Variants in PDZD8 observed in about 807,000 individuals in gnomAD.
PDZD8 encodes PDZ domain containing 8.
Under a neutral mutation model 85.8 loss-of-function variants are expected in PDZD8, and 14 were observed. That is an observed-to-expected ratio of 0.16 (90% confidence interval 0.11 to 0.26). The LOEUF (loss-of-function observed/expected upper bound fraction) is 0.26, where lower values mean the gene tolerates loss of function less well. PDZD8 is among the 10% of genes least tolerant of loss of function. The pLI is 1.00. For synonymous variants in PDZD8, 592 were observed against 568.6 expected, an observed-to-expected ratio of 1.04 and a Z score of -0.59; for missense variants, 1,197 against 1,424.3, an observed-to-expected ratio of 0.84 and a Z score of 2.57.
At chr10:117,287,831 T>C (rs1400407341) in intron 4 of PDZD8, among the ~76,000 whole-genome samples, 2 of 152,236 alleles carry the variant, frequency 1.3e-5, no homozygotes, top group Non-Finnish European at 1.5e-5. Context: ...TTCAGAGCTT[T>C]CTAATATGGT....
Position 117,374,926 on chromosome 10 carries a change from G to C in PDZD8, c.302C>G (p.Thr101Ser), listed in dbSNP as rs914120802. ...TRETCYFLNA[T>S]ILFLFRELRD... ...CAACTCCCGGAACAGGAATAGGATG[G>C]TGGCGTTGAGGAAGTAGCAAGTCTC... is the stretch of plus-strand genomic sequence containing the variant. Residue 101 changes from threonine (T) to serine (S), a missense_variant, in exon 1 of 5, where the codon ACC (threonine) becomes AGC (serine). Thr to Ser is a moderately conservative substitution (Grantham distance 58). Around this residue, in one of 4 missense-constraint regions of PDZD8, gnomAD observed 344 missense variants for 453.6 expected, o/e 0.76. Coordinates refer to ENST00000334464, the MANE Select transcript of PDZD8 (RefSeq NM_173791.5). This position sits in a 1 kb window ranked among gnomAD's most constrained non-coding sequence, Gnocchi z 7.8. 6 of 1,613,396 alleles carry C rather than the reference G, an allele frequency of 3.7e-6. No homozygotes were observed. Among genetic ancestry groups the C allele is most frequent in the Non-Finnish European group, 5.1e-6 (6 of 1,179,838 alleles).
intron 1 of PDZD8, among the ~76,000 whole-genome samples, chr10:117,369,620 C>T (rs1224046016): frequency 3.3e-5 from 5 of 152,096 alleles, no homozygotes; most frequent in Admixed American, 2.0e-4. Context: ...TCCTCCAGTA[C>T]GGGTCTCAAA....
intron 3 of PDZD8, among the ~76,000 whole-genome samples, chr10:117,315,681 T>C (rs1362484285): frequency 6.6e-6 from 1 of 151,048 alleles, no homozygotes; most frequent in Non-Finnish European, 1.5e-5. Context: ...AAAACTCCAA[T>C]TCTGGGAGGG....
intron 2 of PDZD8, among the ~76,000 whole-genome samples, chr10:117,334,433 C>CAGGA (rs1844481141): frequency 6.6e-6 from 1 of 152,018 alleles, no homozygotes; most frequent in Admixed American, 6.6e-5. Context: ...CGCTTGAGCC[C>CAGGA]AGGAGGTCAA....
intron 3 of PDZD8, among the ~76,000 whole-genome samples, chr10:117,301,787 T>A (rs554179525): frequency 6.6e-6 from 1 of 152,286 alleles, no homozygotes; most frequent in South Asian, 2.1e-4. Context: ...CTAACTCCAT[T>A]AGCATTAGGC....
chr10:117,352,806 A>T (rs1366614251), intron 1 of PDZD8, among the ~76,000 whole-genome samples: 1 of 152,158 alleles, frequency 6.6e-6, no homozygotes. Flanking sequence ...TGGCCACACC[A>T]CAGGGGAGAT....
intron 2 of PDZD8, among the ~76,000 whole-genome samples, chr10:117,329,899 C>G (rs1334049929): frequency 6.8e-6 from 1 of 147,572 alleles, no homozygotes; most frequent in East Asian, 2.0e-4. Context: ...TGAGGCAAGA[C>G]CAAGACACTG....
intron 1 of PDZD8, among the ~76,000 whole-genome samples, chr10:117,366,311 GA>G (rs1845088888): frequency 6.6e-6 from 1 of 152,132 alleles, no homozygotes; most frequent in African/African-American, 2.4e-5. Flanking sequence ...GAACTTAAAT[GA>G]AATATTTTTA....
intron 2 of PDZD8, among the ~76,000 whole-genome samples, chr10:117,329,864 T>C (rs973237068): frequency 6.6e-6 from 1 of 150,592 alleles, no homozygotes; most frequent in Non-Finnish European, 1.5e-5. Context: ...GAGGATTGCT[T>C]GAGCCTGGCG....
At chr10:117,320,654 TA>T (rs1844212575) in intron 2 of PDZD8, among the ~76,000 whole-genome samples, 1 of 151,868 alleles carries the variant, frequency 6.6e-6, no homozygotes, top group Admixed American at 6.6e-5. Context: ...TTAAATACAA[TA>T]AGTACCAAAA....
chr10:117,356,753 G>A (rs1367363220), intron 1 of PDZD8, among the ~76,000 whole-genome samples: 7 of 152,062 alleles, frequency 4.6e-5, no homozygotes, highest in Non-Finnish European at 1.5e-5. Context: ...AAACAAATGA[G>A]AAAAAGAAAA....
At chr10:117,363,357 G>A (rs931747874) in intron 1 of PDZD8, among the ~76,000 whole-genome samples, 10 of 152,082 alleles carry the variant, frequency 6.6e-5, no homozygotes, top group African/African-American at 2.4e-4. Context: ...ATGTCTCCAT[G>A]AAAGTTGTAT....
At chr10:117,357,587 G>A (rs571455320) in intron 1 of PDZD8, among the ~76,000 whole-genome samples, 5 of 151,356 alleles carry the variant, frequency 3.3e-5, no homozygotes, top group Non-Finnish European at 7.4e-5. Flanking sequence ...CCAACATGGT[G>A]AAACCCTGTC....
At chr10:117,364,575 T>C (rs1488744253) in intron 1 of PDZD8, among the ~76,000 whole-genome samples, 1 of 151,826 alleles carries the variant, frequency 6.6e-6, no homozygotes, top group Non-Finnish European at 1.5e-5. Flanking sequence ...CATAATATGT[T>C]GAAAGGTGAT....
chr10:117,363,276 G>A (rs750304736), intron 1 of PDZD8, among the ~76,000 whole-genome samples: 3 of 152,034 alleles, frequency 2.0e-5, no homozygotes, highest in Non-Finnish European at 4.4e-5. Context: ...ATGTATGAAA[G>A]ACTATTGTGT....
At chr10:117,298,983 C>A (rs943672500) in intron 3 of PDZD8, among the ~76,000 whole-genome samples, 3 of 151,992 alleles carry the variant, frequency 2.0e-5, no homozygotes, top group Admixed American at 6.6e-5. Flanking sequence ...AGGCCTTATG[C>A]AAAATGAGGC....
intron 3 of PDZD8, among the ~76,000 whole-genome samples, chr10:117,303,601 G>A (rs1489913911): frequency 1.3e-5 from 2 of 152,224 alleles, no homozygotes; most frequent in Admixed American, 6.5e-5. Flanking sequence ...AGGCCATATA[G>A]AGACCTTCAA....
chr10:117,348,519 G>A (rs771244213), intron 1 of PDZD8, among the ~76,000 whole-genome samples: 2 of 152,248 alleles, frequency 1.3e-5, no homozygotes, highest in Non-Finnish European at 2.9e-5. Flanking sequence ...GCTGGAAGTC[G>A]AAGATCAGGG....
At chr10:117,285,736 C>T in intron 4 of PDZD8, 1 of 1,141,256 alleles carries the variant, frequency 8.8e-7, no homozygotes, top group East Asian at 4.8e-5. Flanking sequence ...AAAAGAGTGC[C>T]AGGATGCTAA....
Sources: gnomAD v4.1 joint callset for allele counts (sites outside exome capture counted in the v4.1 genomes callset) on GRCh38, gnomAD v4.1.1 for gene constraint, gnomAD v4.1.1 regional missense constraint, Gnocchi (gnomAD v3.1) non-coding constraint, MANE v1.5 for transcripts, NCBI Gene and HGNC (gene_info 2026-07-23, HGNC 2026-07-21) for gene names.